Variants in ELOA observed in about 807,000 individuals in gnomAD.
ELOA encodes elongin A.
ELOA carries 15 observed loss-of-function variants against 85.2 expected under a neutral mutation model. The ratio of observed to expected loss-of-function variants is 0.18; its 90% CI spans 0.12 to 0.27. The LOEUF is 0.27. Among genes scored for constraint, ELOA ranks in the 10% least tolerant of loss-of-function variants. The pLI, the probability that ELOA is intolerant of heterozygous loss-of-function variation, is 1.00. For synonymous variants in ELOA, 348 were observed against 357.2 expected, an observed-to-expected ratio of 0.97 and a Z score of 0.29; for missense variants, 769 against 952.7, an observed-to-expected ratio of 0.81 and a Z score of 2.54.
chr1:23,757,952 A>C (rs1638224904), intron 10 of ELOA, among the ~76,000 whole-genome samples: 1 of 151,858 alleles, frequency 6.6e-6, no homozygotes, highest in Non-Finnish European at 1.5e-5. Context: ...GAGACAGGAG[A>C]ATTGCTTGAA....
chr1:23,755,975 C>T lies in ELOA; in HGVS notation c.1924C>T (p.Arg642Ter). The change falls in exon 8 of 11, where the codon CGA (arginine) becomes TGA (stop). Residue 642 changes from arginine to a stop codon, truncating the protein, a stop_gained. Transcript: ENST00000613537. LOFTEE classifies it high-confidence loss of function. Reference sequence around the variant, plus strand: ...TCAGGACGCCCGAGAGCAGCGGCTACGAGTACTAACAAAGAATATCCAGTT... The same window carrying T: ...TCAGGACGCCCGAGAGCAGCGGCTATGAGTACTAACAAAGAATATCCAGTT... ...RLQDAREQRL[R>*]VLTKNIQFAH... The T allele has an allele frequency of 6.2e-7, 1 of 1,613,686 alleles. No homozygotes were observed. Among genetic ancestry groups the T allele is most frequent in the Non-Finnish European group, 8.5e-7 (1 of 1,179,974 alleles).
Position 23,750,995 on chromosome 1 carries a change from G to A in ELOA, c.390G>A (p.Gln130=), listed in dbSNP as rs569019684. Residue 130 remains glutamine, a synonymous_variant, in exon 4 of 11, where the codon CAG becomes CAA. Transcript: ENST00000613537. ...GATCCTATAGCCCTGACCACAGGCA[G>A]AAGAAACATAGGAAACTCTCGGAGC... ...GSRSYSPDHR[Q]KKHRKLSELE... is the part of the protein sequence containing the mutation. The A allele has an allele frequency of 7.4e-6, 12 of 1,614,078 alleles. No homozygotes were observed. The South Asian group carries it at 1.3e-4, about 18-fold the overall frequency.
chr1:23,761,889 G>A lies in ELOA; in HGVS notation c.*2316G>A, dbSNP rs1477901913. 2 of 152,136 alleles carry A rather than the reference G, an allele frequency of 1.3e-5. No individual in the cohort carries two copies. Among genetic ancestry groups the A allele is most frequent in the Non-Finnish European group, 2.9e-5 (2 of 68,020 alleles). The allele number at this position is 152,136 out of a possible 1,614,324, so 9.4% of individuals were successfully genotyped here. On this transcript the variant is annotated 3_prime_UTR_variant, in exon 11 of 11. Coordinates refer to ENST00000613537, the MANE Select transcript of ELOA (RefSeq NM_003198.3). ...CTTTGGGGCTTTTTCTTTCTGGGAA[G>A]CGGGAGGGAAAGGAGCAAGGTGTCA...
At chr1:23,747,089 C>T (rs1239298057) in intron 1 of ELOA, among the ~76,000 whole-genome samples, 1 of 152,198 alleles carries the variant, frequency 6.6e-6, no homozygotes, top group Non-Finnish European at 1.5e-5. Flanking sequence ...GAGATAAACA[C>T]ACCCACAGTG....
intron 4 of ELOA, 97 bp downstream of exon 4, chr1:23,752,127 T>G: frequency 8.0e-7 from 1 of 1,247,120 alleles, no homozygotes; most frequent in East Asian, 2.4e-5. Flanking sequence ...AGCTTGCTTT[T>G]GGGGGGCATG....
At chr1:23,752,372 C>T (rs1553125824) in intron 4 of ELOA, 35 bp from the exon 5 acceptor site, 1 of 1,579,794 alleles carries the variant, frequency 6.3e-7, no homozygotes, top group South Asian at 1.1e-5. Context: ...TGCTTCTACT[C>T]ACTGACTCTC....
Position 23,754,102 on chromosome 1 carries a change from T to C in ELOA, c.1540T>C (p.Phe514Leu), listed in dbSNP as rs1644784312. Residue 514 changes from phenylalanine (F) to leucine (L), a missense_variant and splice_region_variant, in exon 6 of 11, where the codon TTC becomes CTC. Coordinates refer to ENST00000613537, the MANE Select transcript of ELOA (RefSeq NM_003198.3). ...ISSFQPKRKA[F>L]SSPQEEEEAG... ...TTTGTGTTTTTCTTGCCCTATAGCG[T>C]TCTCTTCACCCCAGGAAGAAGAAGA... 1 of 1,614,054 alleles carries C rather than the reference T, an allele frequency of 6.2e-7. No homozygotes were observed. Among genetic ancestry groups the C allele is most frequent in the Admixed American group, 1.7e-5 (1 of 59,986 alleles).
In ELOA at chr1:23,750,968, C is replaced by T; in HGVS notation, c.363C>T (p.Ser121=). 1 of 1,614,002 alleles carries T rather than the reference C, an allele frequency of 6.2e-7. No homozygotes were observed. The highest frequency in any genetic ancestry group is 8.5e-7 in the Non-Finnish European group (1 of 1,180,016). The change falls in exon 4 of 11, where the codon AGC becomes AGT. Residue 121 remains serine, a synonymous_variant. Transcript: ENST00000613537. ...DYQETWKATG[S]RSYSPDHRQK... ...AAGAAACCTGGAAAGCCACGGGGAGCCGATCCTATAGCCCTGACCACAGGC... is the reference window on the plus strand; with the variant it reads ...AAGAAACCTGGAAAGCCACGGGGAGTCGATCCTATAGCCCTGACCACAGGC...
rs749893035 is a variant in ELOA, at chr1:23,751,044, C to G, written c.439C>G (p.His147Asp). The G allele has an allele frequency of 3.7e-6, 6 of 1,614,108 alleles. No individual in the cohort carries two copies. In the Admixed American group the frequency reaches 1.0e-4, roughly 27 times the overall value. Residue 147 changes from histidine to aspartate, a missense_variant, in exon 4 of 11, where the codon CAC (histidine) becomes GAC (aspartate). Coordinates refer to ENST00000613537, the MANE Select transcript of ELOA (RefSeq NM_003198.3). ...SELERPHKVS[H>D]GHERRDERKR... ...GCTCGAGAGACCTCACAAAGTGTCT[C>G]ACGGTCATGAGAGGAGAGATGAGAG... is the stretch of plus-strand genomic sequence containing the variant.
At chr1:23,753,231 G>GA (rs1644780380) in intron 5 of ELOA, among the ~76,000 whole-genome samples, 1 of 152,180 alleles carries the variant, frequency 6.6e-6, no homozygotes, top group Non-Finnish European at 1.5e-5. Context: ...TTGATGGCTT[G>GA]GGTTTGAATC....
chr1:23,756,026 A>G lies in ELOA; in HGVS notation c.1972+3A>G. ...CGCACATGCCAATAAGCCCAAAGGT[A>G]ACAGAGACGGGAGAGCTGGGGGAGA... On this transcript the variant is annotated splice_donor_region_variant and intron_variant, in intron 8 of 10. Coordinates refer to ENST00000613537, the MANE Select transcript of ELOA (RefSeq NM_003198.3). The G allele has an allele frequency of 6.2e-7, 1 of 1,611,146 alleles. No individual in the cohort carries two copies. The highest frequency in any genetic ancestry group is 1.1e-5 in the South Asian group (1 of 90,918).
In ELOA at chr1:23,750,939, T is replaced by G; in HGVS notation, c.334T>G (p.Tyr112Asp). The G allele has an allele frequency of 6.2e-7, 1 of 1,614,016 alleles. No individual in the cohort carries two copies. The highest frequency in any genetic ancestry group is 1.1e-5 in the South Asian group (1 of 91,078). The change falls in exon 4 of 11, where the codon TAC (tyrosine) becomes GAC (aspartate). Residue 112 changes from tyrosine to aspartate, a missense_variant. Tyr to Asp is a radical substitution (Grantham distance 160, BLOSUM62 -3). Coordinates refer to ENST00000613537, the MANE Select transcript of ELOA (RefSeq NM_003198.3). ...GAAGGAGGAGGAGATGGAGGGGGACTACCAAGAAACCTGGAAAGCCACGGG... is the reference window on the plus strand; with the variant it reads ...GAAGGAGGAGGAGATGGAGGGGGACGACCAAGAAACCTGGAAAGCCACGGG... ...LQKEEEMEGDYQETWKATGSR... is the reference protein window; with the variant it reads ...LQKEEEMEGDDQETWKATGSR...
chr1:23,745,639 A>G lies in ELOA; in HGVS notation c.75+2061A>G, dbSNP rs181067861. Among the ~76,000 whole-genome samples, 86 of 152,292 alleles carry G rather than the reference A, an allele frequency of 5.6e-4. No individual in the cohort carries two copies. The East Asian group carries it at 0.014, about 25-fold the overall frequency. On this transcript the variant is annotated intron_variant, in intron 1 of 10. Transcript: ENST00000613537. Reference sequence around the variant, plus strand: ...TTGGGAGATCATTTTTGCAAAGGGCATAATAGTCGGCATTCAGATATGAGT... The same window carrying G: ...TTGGGAGATCATTTTTGCAAAGGGCGTAATAGTCGGCATTCAGATATGAGT...
chr1:23,751,293 C>G lies in ELOA; in HGVS notation c.688C>G (p.Leu230Val), dbSNP rs377463691. 14 of 1,614,050 alleles carry G rather than the reference C, an allele frequency of 8.7e-6. No homozygotes were observed. Among genetic ancestry groups the G allele is most frequent in the Non-Finnish European group, 1.2e-5 (14 of 1,180,044 alleles). Reference sequence around the variant, plus strand: ...ACTCGGGGCCAGCCAAGAACGACACCTGGGTGAACCCCATGGGAAAGGGGT... The same window carrying G: ...ACTCGGGGCCAGCCAAGAACGACACGTGGGTGAACCCCATGGGAAAGGGGT... ...DRLGASQERHLGEPHGKGVVS... is the reference protein window; with the variant it reads ...DRLGASQERHVGEPHGKGVVS... Residue 230 changes from leucine (L) to valine (V), a missense_variant, in exon 4 of 11, where the codon CTG (leucine) becomes GTG (valine). Leu to Val is a conservative substitution (Grantham distance 32, BLOSUM62 1). Coordinates refer to ENST00000613537, the MANE Select transcript of ELOA (RefSeq NM_003198.3).
Position 23,754,403 on chromosome 1 carries a change from A to G in ELOA, c.1734A>G (p.Glu578=). The G allele has an allele frequency of 6.2e-7, 1 of 1,614,006 alleles. No individual in the cohort carries two copies. The highest frequency in any genetic ancestry group is 8.5e-7 in the Non-Finnish European group (1 of 1,179,994). Residue 578 remains glutamate (E), a synonymous_variant, in exon 7 of 11, where the codon GAA becomes GAG. Transcript: ENST00000613537. ...EVGGVPYSVL[E]PVLERCTPDQ... is the part of the protein sequence containing the mutation. ...GAGGAGTCCCATACTCTGTTCTTGA[A>G]CCCGTTTTGGAGAGGTGTACACCTG...
At position 23,751,436 on chromosome 1, in the gene ELOA, A is replaced by C. The variant is rs779489267; in HGVS notation, c.831A>C (p.Lys277Asn). ...SREKSHKALS[K>N]EENRRPPSGD... ...AGAAATCACACAAGGCCCTCTCCAA[A>C]GAGGAGAACCGAAGGCCACCCTCAG... Residue 277 changes from lysine (K) to asparagine (N), a missense_variant, in exon 4 of 11, where the codon AAA (lysine) becomes AAC (asparagine). Coordinates refer to ENST00000613537, the MANE Select transcript of ELOA (RefSeq NM_003198.3). 6.2e-7 allele frequency: 1 copy of C among 1,614,134 alleles called. No homozygotes were observed. The highest frequency in any genetic ancestry group is 8.5e-7 in the Non-Finnish European group (1 of 1,180,030).
In ELOA at chr1:23,756,933, A is replaced by G; in HGVS notation, c.2085-20A>G. ...AGATTTCTTGTGCTCATGCCTAACC[A>G]GTGTTGTCCTGTGTTGCAGGATCAA... is the stretch of plus-strand genomic sequence containing the variant. On this transcript the variant is annotated intron_variant, in intron 9 of 10. Transcript: ENST00000613537. 6.8e-7 allele frequency: 1 copy of G among 1,469,578 alleles called. No individual in the cohort carries two copies. Among genetic ancestry groups the G allele is most frequent in the African/African-American group, 1.4e-5 (1 of 69,618 alleles). 91.0% of individuals were successfully genotyped at this position (1,469,578 alleles called of 1,614,324 possible). A position where few individuals can be genotyped will look rare whatever the true frequency, so the allele number is the denominator to read the frequency against.
chr1:23,757,261 G>A (rs1220573292), intron 10 of ELOA, 136 bp downstream of exon 10: 7 of 940,176 alleles, frequency 7.4e-6, no homozygotes, highest in Non-Finnish European at 1.1e-5. Flanking sequence ...TGGTCTGAAT[G>A]TCAGTCCCTC....
Position 23,761,462 on chromosome 1 carries a change from A to AATG in ELOA, c.*1890_*1892dup, listed in dbSNP as rs1163043972. 1 of 152,166 alleles carries AATG rather than the reference A, an allele frequency of 6.6e-6. No homozygotes were observed. Among genetic ancestry groups the AATG allele is most frequent in the East Asian group, 1.9e-4 (1 of 5,196 alleles). 9.4% of individuals were successfully genotyped at this position (152,166 alleles called of 1,614,324 possible). ...TCTTAGATTCAGTTGTGTATGATTT[A>AATG]ATGTCCCTTATTAGGAGTCTTTAGG... is the stretch of plus-strand genomic sequence containing the variant. On this transcript the variant is annotated 3_prime_UTR_variant, in exon 11 of 11. Transcript: ENST00000613537.
Sources: gnomAD v4.1 joint callset for allele counts (sites outside exome capture counted in the v4.1 genomes callset) on GRCh38, gnomAD v4.1.1 for gene constraint, MANE v1.5 for transcripts, NCBI Gene and HGNC (gene_info 2026-07-23, HGNC 2026-07-21) for gene names.